The following INSL6 variants were observed in gnomAD, a reference collection of about 807,000 sequenced individuals.
The protein encoded by INSL6 is insulin like 6.
Under a neutral mutation model 9.4 loss-of-function variants are expected in INSL6, and 16 were observed. The observed-to-expected ratio is 1.70, with a 90% CI of 1.15 to 2.59. The LOEUF (loss-of-function observed/expected upper bound fraction) is 2.59. Ranked by LOEUF, INSL6 falls within the 30% of genes most tolerant of loss-of-function variation. INSL6 has a pLI of 0.00. For synonymous variants in INSL6, 154 were observed against 96.9 expected (o/e 1.59, Z -3.46); for missense variants, 391 against 257.3 (o/e 1.52, Z -3.56).
chr9:5,138,257 A>C (rs1262995027), intron 2 of INSL6, among the ~76,000 whole-genome samples: 1 of 152,332 alleles, frequency 6.6e-6, no homozygotes, highest in African/African-American at 2.4e-5. Flanking sequence ...ATTATAAATC[A>C]CGCTACTATA....
the INSL6 span, among the ~76,000 whole-genome samples, chr9:5,034,626 T>C: frequency 4.0e-5 from 6 of 151,856 alleles, no homozygotes; most frequent in African/African-American, 1.2e-4. Context: ...AACAACCTGC[T>C]CCTGAATGAC....
chr9:5,055,400 GGTT>G, the INSL6 span, among the ~76,000 whole-genome samples: 1 of 151,894 alleles, frequency 6.6e-6, no homozygotes, highest in African/African-American at 2.4e-5. Flanking sequence ...TTCTGGCAGT[GGTT>G]TCTACTAATG....
At chr9:5,181,399 G>C (rs537336563) in intron 1 of INSL6, among the ~76,000 whole-genome samples, 3 of 151,970 alleles carry the variant, frequency 2.0e-5, no homozygotes, top group Non-Finnish European at 4.4e-5. Flanking sequence ...ACAAATTAGT[G>C]AGAAAAATAA....
the INSL6 span, among the ~76,000 whole-genome samples, chr9:5,006,604 G>GA: frequency 3.3e-5 from 5 of 152,070 alleles, no homozygotes; most frequent in Non-Finnish European, 5.9e-5. Context: ...AGGTGAAGGG[G>GA]AAAAAAGTAC....
chr9:5,104,568 G>C, the INSL6 span, among the ~76,000 whole-genome samples: 1 of 152,148 alleles, frequency 6.6e-6, no homozygotes, highest in African/African-American at 2.4e-5. Flanking sequence ...TATGAGGCCA[G>C]CATCAGCCCG....
the INSL6 span, among the ~76,000 whole-genome samples, chr9:5,010,065 C>G: frequency 6.6e-6 from 1 of 152,178 alleles, no homozygotes; most frequent in South Asian, 2.1e-4. Flanking sequence ...AGCCATCGCA[C>G]CTAGCCTATG....
chr9:5,023,893 GA>G, the INSL6 span, among the ~76,000 whole-genome samples: 1 of 149,570 alleles, frequency 6.7e-6, no homozygotes, highest in Admixed American at 6.7e-5. Context: ...TAGCTTGTAA[GA>G]TTTTTTTAGC....
chr9:5,098,002 C>G, the INSL6 span: 1 of 152,180 alleles, frequency 6.6e-6, no homozygotes, highest in African/African-American at 2.4e-5. Flanking sequence ...ATGCATACAC[C>G]GCATGAAATA....
intron 3 of INSL6, chr9:5,126,191 A>G (rs1405440976): frequency 1.8e-6 from 1 of 570,694 alleles, no homozygotes; most frequent in Non-Finnish European, 3.1e-6. Flanking sequence ...TTTTGATCCT[A>G]AAAGTAGTTT....
chr9:5,007,331 A>G, the INSL6 span, among the ~76,000 whole-genome samples: 1 of 152,072 alleles, frequency 6.6e-6, no homozygotes, highest in Non-Finnish European at 1.5e-5. Flanking sequence ...TCTTTGTACC[A>G]TGGGTTCTAT....
At chr9:5,130,947 T>C (rs1824265568) in intron 3 of INSL6, among the ~76,000 whole-genome samples, 1 of 151,428 alleles carries the variant, frequency 6.6e-6, no homozygotes, top group African/African-American at 2.4e-5. Flanking sequence ...GCCAGGATGG[T>C]CTCGATCTCC....
the INSL6 span, among the ~76,000 whole-genome samples, chr9:5,037,546 T>C: frequency 2.6e-5 from 4 of 152,292 alleles, no homozygotes; most frequent in South Asian, 8.3e-4. Flanking sequence ...GATGAGTTCA[T>C]GTCCTTTGTA....
intron 1 of INSL6, among the ~76,000 whole-genome samples, chr9:5,176,921 C>T (rs1040231322): frequency 2.6e-5 from 4 of 151,724 alleles, no homozygotes; most frequent in Non-Finnish European, 5.9e-5. Context: ...CAGGTATTTA[C>T]AATAGCTAAA....
chr9:5,117,386 T>C, the INSL6 span, among the ~76,000 whole-genome samples: 1 of 152,236 alleles, frequency 6.6e-6, no homozygotes, highest in Non-Finnish European at 1.5e-5. Context: ...GAAAGATAGC[T>C]CTACTTTTGT....
At chr9:5,175,898 A>T (rs1252676470) in intron 1 of INSL6, among the ~76,000 whole-genome samples, 2 of 152,190 alleles carry the variant, frequency 1.3e-5, no homozygotes, top group African/African-American at 4.8e-5. Flanking sequence ...TTCATTAAAC[A>T]TTACCATGTA....
chr9:5,117,357 T>C, the INSL6 span, among the ~76,000 whole-genome samples: 1 of 152,340 alleles, frequency 6.6e-6, no homozygotes. Flanking sequence ...GGGAATAACA[T>C]GGTGAGATTC....
At chr9:5,089,829 C>T in the INSL6 span, 2 of 1,585,060 alleles carry the variant, frequency 1.3e-6, no homozygotes, top group Non-Finnish European at 1.7e-6. Flanking sequence ...AGCATGACAA[C>T]ATTGTAAAGT....
At chr9:5,083,431 TATC>T in the INSL6 span, among the ~76,000 whole-genome samples, 14 of 152,240 alleles carry the variant, frequency 9.2e-5, no homozygotes, top group South Asian at 6.2e-4. Context: ...TGTCTGTTAT[TATC>T]AGCTATTCCT....
intron 3 of INSL6, chr9:5,133,393 AT>A (rs1166186605): frequency 3.3e-5 from 5 of 152,246 alleles, no homozygotes; most frequent in Admixed American, 3.3e-4. Flanking sequence ...GCCAAAAAAA[AT>A]AGTTTACACA....
Sources: gnomAD v4.1 joint callset for allele counts (sites outside exome capture counted in the v4.1 genomes callset) on GRCh38, gnomAD v4.1.1 for gene constraint, MANE v1.5 for transcripts, NCBI Gene and HGNC (gene_info 2026-07-23, HGNC 2026-07-21) for gene names.